Variants in PKD1L1 observed in about 807,000 individuals in gnomAD.
The protein encoded by PKD1L1 is polycystin 1 like 1, transient receptor potential channel interacting, also known as polycystin-1-like protein 1.
Under a neutral mutation model 323.4 loss-of-function variants are expected in PKD1L1, and 236 were observed. The observed-to-expected ratio is 0.73, with a 90% CI of 0.66 to 0.81. The LOEUF (loss-of-function observed/expected upper bound fraction) is 0.81. PKD1L1 is among the 40% of genes least tolerant of loss of function. The pLI is 0.00. For missense variants in PKD1L1, 3,320 were observed against 3,508.0 expected (o/e 0.95, Z 1.35); for synonymous variants, 1,344 against 1,335.0 (o/e 1.01, Z -0.15).
At position 47,898,087 on chromosome 7, in the gene PKD1L1, C is replaced by A. The variant is rs1249554044; in HGVS notation, c.2172G>T (p.Gly724=). 6.2e-7 allele frequency: 1 copy of A among 1,613,982 alleles called. No homozygotes were observed. Among genetic ancestry groups the A allele is most frequent in the African/African-American group, 1.3e-5 (1 of 75,018 alleles). ...CAGCAGCAGGGAGGGAGACAGGGAG[C>A]CCTTCAGAGTCCATCAAGTTCCAGG... The part of the protein sequence containing the change: ...SYTWNLMDSE[G]LPVSLPAAVD... The change falls in exon 14 of 57, where the codon GGG becomes GGT. Residue 724 remains glycine, a synonymous_variant. Coordinates refer to ENST00000289672, the MANE Select transcript of PKD1L1 (RefSeq NM_138295.5).
At chr7:47,846,260 T>A (rs1438879062) in intron 32 of PKD1L1, among the ~76,000 whole-genome samples, 1 of 152,234 alleles carries the variant, frequency 6.6e-6, no homozygotes, top group Non-Finnish European at 1.5e-5. Flanking sequence ...CAAAAAAGAA[T>A]GATCTGAGCC....
intron 51 of PKD1L1, 92 bp downstream of exon 51, chr7:47,809,381 A>G: frequency 1.1e-6 from 1 of 907,016 alleles, no homozygotes; most frequent in Non-Finnish European, 1.6e-6. Context: ...GGCAGTAGCT[A>G]GTGCATAATC....
intron 8 of PKD1L1, among the ~76,000 whole-genome samples, chr7:47,908,571 G>A (rs1263134292): frequency 6.6e-6 from 1 of 152,136 alleles, no homozygotes; most frequent in Non-Finnish European, 1.5e-5. Context: ...CTCTGCAGTA[G>A]GAAATATTCA....
chr7:47,958,773 G>A, the PKD1L1 span, among the ~76,000 whole-genome samples: 2 of 151,458 alleles, frequency 1.3e-5, no homozygotes, highest in African/African-American at 4.8e-5. Context: ...TTTAAAAATG[G>A]TCAAAAGCCC....
chr7:47,877,528 T>G lies in PKD1L1; in HGVS notation c.3624A>C (p.Ala1208=), dbSNP rs139854035. Reference sequence around the variant, plus strand: ...TGCAGAAGACACTGAAGACGGTGTGTGCTTCCAGACCATGGTGGGGCTGCA... The same window carrying G: ...TGCAGAAGACACTGAAGACGGTGTGGGCTTCCAGACCATGGTGGGGCTGCA... ...CQVQPHHGLE[A]HTVFSVFCMS... The change falls in exon 22 of 57, where the codon GCA becomes GCC. Residue 1208 remains alanine (A), a synonymous_variant. Coordinates refer to ENST00000289672, the MANE Select transcript of PKD1L1 (RefSeq NM_138295.5). The G allele has an allele frequency of 2.5e-6, 4 of 1,613,986 alleles. No homozygotes were observed. In the East Asian group the frequency reaches 6.7e-5, roughly 27 times the overall value.
intron 24 of PKD1L1, among the ~76,000 whole-genome samples, chr7:47,869,007 A>G (rs1786226339): frequency 6.6e-6 from 1 of 152,232 alleles, no homozygotes; most frequent in Non-Finnish European, 1.5e-5. Context: ...GGATCTATAG[A>G]GGAGTAAATT....
chr7:47,872,171 C>T (rs1210914452), intron 24 of PKD1L1, among the ~76,000 whole-genome samples: 7 of 152,088 alleles, frequency 4.6e-5, no homozygotes, highest in Admixed American at 3.9e-4. Flanking sequence ...GTTTTTCTAC[C>T]CCCTGCAGCA....
At chr7:47,836,648 C>A (rs1785462770) in intron 37 of PKD1L1, among the ~76,000 whole-genome samples, 2 of 152,242 alleles carry the variant, frequency 1.3e-5, no homozygotes, top group African/African-American at 4.8e-5. Context: ...CGGCTGCCAG[C>A]CTCTCTGGAA....
intron 41 of PKD1L1, among the ~76,000 whole-genome samples, chr7:47,831,704 G>A (rs1785352125): frequency 6.6e-6 from 1 of 152,328 alleles, no homozygotes; most frequent in East Asian, 1.9e-4. Flanking sequence ...GGGGTGGTGA[G>A]CAGCAACTCC....
At chr7:47,875,661 A>T (rs1402220349) in intron 23 of PKD1L1, among the ~76,000 whole-genome samples, 1 of 152,120 alleles carries the variant, frequency 6.6e-6, no homozygotes, top group Non-Finnish European at 1.5e-5. Context: ...TGTGGGATTC[A>T]TTTTGTTTTG....
At chr7:47,891,604 C>T (rs1225487160) in intron 15 of PKD1L1, among the ~76,000 whole-genome samples, 1 of 152,216 alleles carries the variant, frequency 6.6e-6, no homozygotes, top group Non-Finnish European at 1.5e-5. Context: ...TTTCCAGAGC[C>T]TGCATAAAGA....
intron 17 of PKD1L1, 37 bp from the exon 18 acceptor site, chr7:47,886,091 C>G (rs752999382): frequency 1.3e-6 from 2 of 1,560,550 alleles, no homozygotes; most frequent in Non-Finnish European, 1.7e-6. Flanking sequence ...AATTTTGCAG[C>G]AAAAATATAA....
At chr7:47,908,341 A>T in intron 8 of PKD1L1, 91 bp from the exon 9 acceptor site, 1 of 1,227,804 alleles carries the variant, frequency 8.1e-7, no homozygotes, top group Non-Finnish European at 1.2e-6. Flanking sequence ...TGGGGTGATT[A>T]ATATGGGAAC....
At chr7:47,940,572 G>A (rs769776773) in intron 2 of PKD1L1, among the ~76,000 whole-genome samples, 3 of 152,202 alleles carry the variant, frequency 2.0e-5, no homozygotes, top group South Asian at 2.1e-4. Flanking sequence ...CACCAGCCAC[G>A]CTGATAATGA....
chr7:47,820,864 C>T (rs1785125408), intron 46 of PKD1L1, among the ~76,000 whole-genome samples: 1 of 152,164 alleles, frequency 6.6e-6, no homozygotes, highest in Non-Finnish European at 1.5e-5. Context: ...CTTAAAATTC[C>T]TTCAAATATC....
At chr7:47,910,462 G>A (rs1182963784) in intron 8 of PKD1L1, among the ~76,000 whole-genome samples, 1 of 149,930 alleles carries the variant, frequency 6.7e-6, no homozygotes, top group Non-Finnish European at 1.5e-5. Flanking sequence ...AGCCTCCTGA[G>A]TAGCTGGGAC....
intron 34 of PKD1L1, among the ~76,000 whole-genome samples, chr7:47,841,113 T>C (rs1785555837): frequency 6.6e-6 from 1 of 152,238 alleles, no homozygotes; most frequent in Non-Finnish European, 1.5e-5. Flanking sequence ...TCTGAAATCC[T>C]TCCTTACTCG....
intron 42 of PKD1L1, 126 bp from the exon 43 acceptor site, chr7:47,830,250 C>T: frequency 1.4e-6 from 1 of 724,004 alleles, no homozygotes. Context: ...AGGAAGCCTG[C>T]TGTGGGGGTG....
At chr7:47,873,758 C>A in intron 24 of PKD1L1, 141 bp downstream of exon 24, 1 of 585,440 alleles carries the variant, frequency 1.7e-6, no homozygotes, top group Non-Finnish European at 3.0e-6. Context: ...AGTGATAGCA[C>A]CCGGACTTTT....
Sources: allele counts gnomAD v4.1 joint callset (sites outside exome capture counted in the v4.1 genomes callset), GRCh38; gene constraint gnomAD v4.1.1; transcripts MANE v1.5; gene names NCBI Gene and HGNC (gene_info 2026-07-23, HGNC 2026-07-21).